CCBE1: variants seen among roughly 807,000 people sequenced by gnomAD.
CCBE1 encodes the protein collagen and calcium-binding EGF domain-containing protein 1.
In CCBE1, 37 loss-of-function variants were observed where a neutral mutation model predicts 50.0. The observed-to-expected ratio is 0.74, with a 90% CI of 0.57 to 0.97. CCBE1 has a LOEUF of 0.97. Ranked by LOEUF, CCBE1 falls within the 50% of genes least tolerant of loss-of-function variation. The pLI, the probability that CCBE1 is intolerant of heterozygous loss-of-function variation, is 0.00. For synonymous variants in CCBE1, 234 were observed against 203.7 expected, an observed-to-expected ratio of 1.15 and a Z score of -1.27; for missense variants, 538 against 523.8, an observed-to-expected ratio of 1.03 and a Z score of -0.26.
chr18:59,453,496 T>C (rs1316139518), intron 6 of CCBE1, among the ~76,000 whole-genome samples: 2 of 152,222 alleles, frequency 1.3e-5, no homozygotes, highest in Non-Finnish European at 2.9e-5. Context: ...ATCCATCAGA[T>C]ATATACATGT....
chr18:59,592,557 C>T (rs1037204140), intron 2 of CCBE1, among the ~76,000 whole-genome samples: 1 of 152,166 alleles, frequency 6.6e-6, no homozygotes, highest in Admixed American at 6.5e-5. Context: ...CAAAGAAAGC[C>T]AAGTGCAAAT....
At chr18:59,680,664 A>G (rs918479459) in intron 2 of CCBE1, among the ~76,000 whole-genome samples, 2 of 151,816 alleles carry the variant, frequency 1.3e-5, no homozygotes, top group Non-Finnish European at 2.9e-5. Context: ...CTGCCACTGC[A>G]CTCCAGCCTG....
chr18:59,521,390 A>G (rs1914592947), intron 2 of CCBE1, among the ~76,000 whole-genome samples: 1 of 152,242 alleles, frequency 6.6e-6, no homozygotes, highest in South Asian at 2.1e-4. Context: ...CGTGGATTGC[A>G]GGTGATTCTG....
chr18:59,531,980 T>A (rs1026085306), intron 2 of CCBE1, among the ~76,000 whole-genome samples: 1 of 152,230 alleles, frequency 6.6e-6, no homozygotes, highest in African/African-American at 2.4e-5. Context: ...TTGAGTTTAC[T>A]TGCAACACGT....
At chr18:59,498,741 C>T (rs112419209) in intron 2 of CCBE1, among the ~76,000 whole-genome samples, 1,924 of 152,282 alleles carry the variant, frequency 0.013, 36 homozygotes, top group African/African-American at 0.043. Context: ...TTTCTGAGGT[C>T]TGTGCCCAGC....
At chr18:59,588,368 C>G (rs1192522991) in intron 2 of CCBE1, among the ~76,000 whole-genome samples, 1 of 151,952 alleles carries the variant, frequency 6.6e-6, no homozygotes, top group Non-Finnish European at 1.5e-5. Flanking sequence ...TTGAGACCAG[C>G]TTGGGAAACT....
intron 2 of CCBE1, among the ~76,000 whole-genome samples, chr18:59,509,028 T>C (rs1448401609): frequency 1.3e-5 from 2 of 152,192 alleles, no homozygotes; most frequent in African/African-American, 2.4e-5. Context: ...TTACCTTGTC[T>C]TCTTAAAGGC....
intron 2 of CCBE1, among the ~76,000 whole-genome samples, chr18:59,498,546 TA>T (rs1227734746): frequency 6.6e-6 from 1 of 152,222 alleles, no homozygotes; most frequent in Non-Finnish European, 1.5e-5. Flanking sequence ...CTGGTAACCT[TA>T]AAGAGTTAGA....
intron 2 of CCBE1, among the ~76,000 whole-genome samples, chr18:59,494,356 A>C (rs955498647): frequency 1.3e-5 from 2 of 152,214 alleles, no homozygotes; most frequent in Non-Finnish European, 2.9e-5. Context: ...TCCTTGGTTC[A>C]GATGATCCTT....
intron 2 of CCBE1, among the ~76,000 whole-genome samples, chr18:59,693,120 T>C (rs1281476512): frequency 6.6e-6 from 1 of 152,166 alleles, no homozygotes; most frequent in Non-Finnish European, 1.5e-5. Context: ...ACTTTGACTG[T>C]ACATTGTTCT....
intron 2 of CCBE1, among the ~76,000 whole-genome samples, chr18:59,628,133 G>A (rs1270583146): frequency 6.6e-6 from 1 of 152,172 alleles, no homozygotes; most frequent in African/African-American, 2.4e-5. Context: ...AGAATCACCT[G>A]AGCCTGGGGG....
chr18:59,554,619 G>A (rs1340949143), intron 2 of CCBE1, among the ~76,000 whole-genome samples: 1 of 152,208 alleles, frequency 6.6e-6, no homozygotes, highest in Non-Finnish European at 1.5e-5. Flanking sequence ...ATAAAAGGAT[G>A]AACTCTAGTA....
intron 2 of CCBE1, among the ~76,000 whole-genome samples, chr18:59,520,615 T>TGC (rs1914557973): frequency 1.3e-5 from 2 of 152,258 alleles, no homozygotes; most frequent in African/African-American, 4.8e-5. Context: ...CATGTGCGCC[T>TGC]GCACACACAC....
chr18:59,647,178 C>A (rs977109260), intron 2 of CCBE1, among the ~76,000 whole-genome samples: 13 of 152,264 alleles, frequency 8.5e-5, no homozygotes, highest in African/African-American at 3.1e-4. Flanking sequence ...ACTAAAAATA[C>A]CCACATTAAG....
chr18:59,677,592 G>T (rs1480087619), intron 2 of CCBE1, among the ~76,000 whole-genome samples: 1 of 152,008 alleles, frequency 6.6e-6, no homozygotes, highest in Non-Finnish European at 1.5e-5. Flanking sequence ...GTGAGATCCA[G>T]GAAACCCAGA....
At chr18:59,686,270 T>A (rs2054651718) in intron 2 of CCBE1, 1 of 152,228 alleles carries the variant, frequency 6.6e-6, no homozygotes. Flanking sequence ...ACTTTTGTTT[T>A]TAACCACTGG....
Position 59,697,326 on chromosome 18 carries a change from G to A in CCBE1, c.17C>T (p.Pro6Leu), listed in dbSNP as rs536233287. MVPPP[P>L]SRGGAARGQL... ...GCCCCTGGCAGCTCCTCCCCGGCTC[G>A]GAGGCGGCGGCACCATCAGGGAAGC... The change falls in exon 1 of 11, where the codon CCG (proline) becomes CTG (leucine). Residue 6 changes from proline (P) to leucine (L), a missense_variant. Transcript: ENST00000439986. 9.7e-6 allele frequency: 15 copies of A among 1,548,090 alleles called. No individual in the cohort carries two copies. The South Asian group carries it at 1.7e-4, about 17-fold the overall frequency.
chr18:59,602,707 T>C (rs746404966), intron 2 of CCBE1, among the ~76,000 whole-genome samples: 6 of 152,122 alleles, frequency 3.9e-5, no homozygotes, highest in Non-Finnish European at 7.4e-5. Flanking sequence ...CCTTGAGGCA[T>C]GAGTAGGACT....
intron 2 of CCBE1, among the ~76,000 whole-genome samples, chr18:59,578,277 G>C (rs1407509252): frequency 1.3e-5 from 2 of 152,160 alleles, no homozygotes; most frequent in East Asian, 3.9e-4. Context: ...TTAGAATGGC[G>C]ATCATTAACA....
Sources: gnomAD v4.1 joint callset for allele counts (sites outside exome capture counted in the v4.1 genomes callset) on GRCh38, gnomAD v4.1.1 for gene constraint, MANE v1.5 for transcripts, NCBI Gene and HGNC (gene_info 2026-07-23, HGNC 2026-07-21) for gene names.